The following CSMD1 variants were observed in gnomAD, a reference collection of about 807,000 sequenced individuals.
The protein encoded by CSMD1 is CUB and Sushi multiple domains 1.
A neutral mutation model predicts 417.5 loss-of-function variants in CSMD1; 213 were observed. That is an observed-to-expected ratio of 0.51 (90% CI 0.46 to 0.57). CSMD1 has a LOEUF of 0.57. Among genes scored for constraint, CSMD1 ranks in the 20% least tolerant of loss-of-function variants. The pLI, the probability that CSMD1 is intolerant of heterozygous loss-of-function variation, is 0.00. For missense variants in CSMD1, 6,923 were observed against 4,529.7 expected (o/e 1.53, Z -15.17); for synonymous variants, 2,862 against 1,736.8 (o/e 1.65, Z -16.11).
chr8:4,810,577 G>T (rs1019715722), intron 1 of CSMD1, among the ~76,000 whole-genome samples: 1 of 152,172 alleles, frequency 6.6e-6, no homozygotes, highest in South Asian at 2.1e-4. Flanking sequence ...GGGGGGTGGT[G>T]GCTGTGTGTC....
intron 3 of CSMD1, among the ~76,000 whole-genome samples, chr8:4,310,390 A>G (rs1293234006): frequency 6.6e-6 from 1 of 152,218 alleles, no homozygotes; most frequent in Non-Finnish European, 1.5e-5. Flanking sequence ...CACAGCCTAC[A>G]TGATGCCCAG....
At chr8:4,571,899 T>A (rs1358663266) in intron 2 of CSMD1, among the ~76,000 whole-genome samples, 1 of 152,234 alleles carries the variant, frequency 6.6e-6, no homozygotes, top group Non-Finnish European at 1.5e-5. Context: ...TTTTTGGATC[T>A]TTGTTGGTTT....
At chr8:4,438,664 G>T (rs1028618799) in intron 2 of CSMD1, among the ~76,000 whole-genome samples, 1 of 152,150 alleles carries the variant, frequency 6.6e-6, no homozygotes, top group Non-Finnish European at 1.5e-5. Flanking sequence ...TGGAATTCCT[G>T]CAGGTAGAGC....
chr8:4,176,831 G>A (rs1029202381), intron 3 of CSMD1, among the ~76,000 whole-genome samples: 1 of 148,156 alleles, frequency 6.7e-6, no homozygotes, highest in Non-Finnish European at 1.5e-5. Context: ...AAGAGACAAA[G>A]AAGGCCATTA....
intron 26 of CSMD1, among the ~76,000 whole-genome samples, chr8:3,250,694 A>G (rs771109083): frequency 5.9e-4 from 90 of 152,208 alleles, no homozygotes; most frequent in Non-Finnish European, 4.1e-4. Flanking sequence ...AAGTGTTCCT[A>G]TTTCTCCACA....
intron 3 of CSMD1, among the ~76,000 whole-genome samples, chr8:4,204,882 A>C (rs1563269978): frequency 6.6e-6 from 1 of 152,112 alleles, no homozygotes; most frequent in Non-Finnish European, 1.5e-5. Flanking sequence ...GCTGGTCCTG[A>C]ACTCCTGTCC....
At chr8:4,152,923 A>G (rs563881059) in intron 3 of CSMD1, among the ~76,000 whole-genome samples, 12 of 152,310 alleles carry the variant, frequency 7.9e-5, no homozygotes, top group Non-Finnish European at 1.5e-4. Flanking sequence ...TGAAAGGTGT[A>G]TACTCTATCC....
chr8:4,416,916 A>C (rs1404004628), intron 3 of CSMD1, among the ~76,000 whole-genome samples: 1 of 152,090 alleles, frequency 6.6e-6, no homozygotes, highest in Admixed American at 6.6e-5. Flanking sequence ...AGGAATTTTA[A>C]TAGTAATCTT....
intron 7 of CSMD1, among the ~76,000 whole-genome samples, chr8:3,667,561 G>C (rs1004577077): frequency 5.9e-5 from 9 of 152,126 alleles, no homozygotes; most frequent in Non-Finnish European, 1.0e-4. Flanking sequence ...ACTAGGCTGA[G>C]AAAGTCCTTG....
intron 5 of CSMD1, among the ~76,000 whole-genome samples, chr8:3,786,924 G>A (rs1403621226): frequency 6.6e-6 from 1 of 152,098 alleles, no homozygotes; most frequent in African/African-American, 2.4e-5. Flanking sequence ...TTAGGATGAG[G>A]ATTTCAACCC....
intron 12 of CSMD1, among the ~76,000 whole-genome samples, chr8:3,455,330 T>C (rs1159177161): frequency 6.6e-6 from 1 of 152,238 alleles, no homozygotes; most frequent in Non-Finnish European, 1.5e-5. Flanking sequence ...TCATTCTCTG[T>C]CCAACGTTGC....
intron 5 of CSMD1, among the ~76,000 whole-genome samples, chr8:3,929,528 T>C (rs1444764435): frequency 6.6e-6 from 1 of 150,526 alleles, no homozygotes; most frequent in Non-Finnish European, 1.5e-5. Context: ...TCAACGTCCA[T>C]TGGCAGGAAC....
chr8:3,985,521 A>G (rs754456403), intron 5 of CSMD1, among the ~76,000 whole-genome samples: 11 of 152,164 alleles, frequency 7.2e-5, no homozygotes, highest in Non-Finnish European at 1.6e-4. Flanking sequence ...AGAGCCAGAT[A>G]CAACGAACAC....
At chr8:4,608,671 A>C (rs973068500) in intron 2 of CSMD1, among the ~76,000 whole-genome samples, 1 of 152,218 alleles carries the variant, frequency 6.6e-6, no homozygotes, top group Admixed American at 6.5e-5. Flanking sequence ...GCAATGTCCT[A>C]AAGTCCTCTT....
At chr8:4,340,225 C>T (rs568404160) in intron 3 of CSMD1, among the ~76,000 whole-genome samples, 23 of 152,080 alleles carry the variant, frequency 1.5e-4, no homozygotes, top group African/African-American at 3.9e-4. Flanking sequence ...GCTTGCTATG[C>T]CTTCTCCCCT....
At chr8:4,902,008 G>A (rs188054408) in intron 1 of CSMD1, among the ~76,000 whole-genome samples, 63 of 152,272 alleles carry the variant, frequency 4.1e-4, no homozygotes, top group African/African-American at 1.4e-3. Flanking sequence ...GAGGCTGTAA[G>A]GAAATGCAGC....
intron 2 of CSMD1, among the ~76,000 whole-genome samples, chr8:4,421,130 G>A (rs908964870): frequency 1.4e-5 from 2 of 147,644 alleles, no homozygotes; most frequent in Admixed American, 1.4e-4. Context: ...GTAAATGACT[G>A]ATGAATGGAA....
chr8:3,669,776 C>G (rs992159773), intron 7 of CSMD1, among the ~76,000 whole-genome samples: 2 of 152,146 alleles, frequency 1.3e-5, no homozygotes, highest in East Asian at 1.9e-4. Flanking sequence ...ACACACTCAT[C>G]AGAGCCCTCA....
chr8:3,294,805 C>T (rs1423481782), intron 25 of CSMD1, among the ~76,000 whole-genome samples: 1 of 152,068 alleles, frequency 6.6e-6, no homozygotes. Flanking sequence ...GCTTTGGCTC[C>T]CGCTTGGTGG....
Sources: gnomAD v4.1 joint callset for allele counts (sites outside exome capture counted in the v4.1 genomes callset) on GRCh38, gnomAD v4.1.1 for gene constraint, MANE v1.5 for transcripts, NCBI Gene and HGNC (gene_info 2026-07-23, HGNC 2026-07-21) for gene names.